Variants in PUDP observed in about 807,000 individuals in gnomAD.
PUDP encodes the protein pseudouridine-5'-phosphatase.
In PUDP, 8 loss-of-function variants were observed where a neutral mutation model predicts 9.4. The observed-to-expected ratio is 0.85, with a 90% CI of 0.50 to 1.53. PUDP has a LOEUF of 1.53. PUDP is among the 40% of genes most tolerant of loss of function. The pLI is 0.00. For synonymous variants in PUDP, 99 were observed against 80.7 expected (o/e 1.23, Z -1.22); for missense variants, 188 against 189.7 (o/e 0.99, Z 0.05).
chrX:6,774,328 T>C (rs1233438919), intron 3 of PUDP, among the ~76,000 whole-genome samples: 1 of 112,138 alleles, frequency 8.9e-6, no homozygotes, highest in African/African-American at 3.2e-5. Context: ...CCCTCAGGGA[T>C]TAAACCCCAC....
rs1370074416 is a variant in PUDP, at chrX:7,086,266, T to C, written c.281-8817A>G. On this transcript the variant is annotated intron_variant, in intron 2 of 3. Coordinates refer to ENST00000381077, the MANE Select transcript of PUDP (RefSeq NM_012080.5). ...AACTACTGTCTGGCTGTGTTTATCC[T>C]TGACACTAGAAAATAACCAAAGTCA... 2.7e-5 allele frequency among the ~76,000 whole-genome samples: 3 copies of C among 112,299 alleles called. No homozygotes were observed. The Admixed American group carries it at 2.8e-4, about 11-fold the overall frequency.
intron 3 of PUDP, among the ~76,000 whole-genome samples, chrX:7,055,284 C>G (rs1312274165): frequency 9.0e-6 from 1 of 111,020 alleles, no homozygotes. Flanking sequence ...CATAATCTGG[C>G]TCTGTCACCC....
At chrX:6,933,690 C>T (rs1428622677) in intron 3 of PUDP, among the ~76,000 whole-genome samples, 3 of 108,984 alleles carry the variant, frequency 2.8e-5, no homozygotes, top group Admixed American at 9.9e-5. Context: ...CTCTGAGCTA[C>T]GGGAGGACAT....
chrX:6,779,132 G>A (rs188087722), intron 3 of PUDP, among the ~76,000 whole-genome samples: 1 of 112,011 alleles, frequency 8.9e-6, no homozygotes, highest in East Asian at 2.8e-4. Flanking sequence ...AGGGGAATGC[G>A]GCAATCCAAC....
At chrX:7,115,321 C>T (rs1932163732) in intron 1 of PUDP, among the ~76,000 whole-genome samples, 1 of 112,581 alleles carries the variant, frequency 8.9e-6, no homozygotes, top group African/African-American at 3.2e-5. Flanking sequence ...GGAATCATTA[C>T]ATATGAAATC....
At chrX:6,946,318 G>A (rs1419755778) in intron 3 of PUDP, among the ~76,000 whole-genome samples, 1 of 111,213 alleles carries the variant, frequency 9.0e-6, no homozygotes, top group Non-Finnish European at 1.9e-5. Flanking sequence ...TATCTGTGAT[G>A]CCTCTTATAG....
chrX:6,918,874 T>G (rs981050571), intron 3 of PUDP, among the ~76,000 whole-genome samples: 1 of 112,471 alleles, frequency 8.9e-6, no homozygotes, highest in Non-Finnish European at 1.9e-5. Context: ...GCAGAAATAT[T>G]CAGTCAATCC....
intron 3 of PUDP, among the ~76,000 whole-genome samples, chrX:6,774,292 A>T (rs1232629036): frequency 8.9e-6 from 1 of 112,258 alleles, no homozygotes; most frequent in Non-Finnish European, 1.9e-5. Flanking sequence ...CTTGCCCTTC[A>T]ATTATTTCCT....
chrX:7,128,242 A>G (rs1351393658), intron 1 of PUDP, among the ~76,000 whole-genome samples: 1 of 111,049 alleles, frequency 9.0e-6, no homozygotes, highest in Non-Finnish European at 1.9e-5. Context: ...GGGTTTCGCC[A>G]TGTTGCCCAG....
intron 3 of PUDP, among the ~76,000 whole-genome samples, chrX:6,735,577 A>C (rs1924862133): frequency 8.9e-6 from 1 of 112,323 alleles, no homozygotes; most frequent in Admixed American, 9.4e-5. Flanking sequence ...GTTTCACATA[A>C]TGATCTACCC....
intron 3 of PUDP, among the ~76,000 whole-genome samples, chrX:6,876,376 G>T (rs1278503464): frequency 9.0e-6 from 1 of 111,027 alleles, no homozygotes; most frequent in South Asian, 3.8e-4. Flanking sequence ...GGTTTAGCAG[G>T]CTGTAATTCC....
chrX:7,115,812 C>G (rs1205991202), intron 1 of PUDP, among the ~76,000 whole-genome samples: 1 of 112,655 alleles, frequency 8.9e-6, no homozygotes, highest in Non-Finnish European at 1.9e-5. Context: ...GTCACGTCCA[C>G]GCACGTGGCT....
intron 1 of PUDP, among the ~76,000 whole-genome samples, chrX:7,120,507 A>G: frequency 8.9e-6 from 1 of 112,129 alleles, no homozygotes; most frequent in African/African-American, 3.2e-5. Context: ...ACTGTAAGAC[A>G]ATACATTTGT....
At chrX:7,130,805 G>T (rs1227126256) in intron 1 of PUDP, among the ~76,000 whole-genome samples, 1 of 112,022 alleles carries the variant, frequency 8.9e-6, no homozygotes, top group Non-Finnish European at 1.9e-5. Context: ...AGGATCACTT[G>T]AGCCTGGGAG....
chrX:6,944,006 T>A (rs755027882), intron 3 of PUDP, among the ~76,000 whole-genome samples: 2 of 111,838 alleles, frequency 1.8e-5, no homozygotes, highest in Non-Finnish European at 3.8e-5. Context: ...TGGAGCCAAC[T>A]ATCTAAGATC....
chrX:6,966,328 TA>T (rs1424616049), intron 3 of PUDP, among the ~76,000 whole-genome samples: 37 of 111,144 alleles, frequency 3.3e-4, no homozygotes, highest in Admixed American at 8.7e-4. Flanking sequence ...TTAAAATTAC[TA>T]AAATTGAGTG....
chrX:7,114,729 G>T (rs1932149730), intron 1 of PUDP, among the ~76,000 whole-genome samples: 1 of 112,082 alleles, frequency 8.9e-6, no homozygotes, highest in African/African-American at 3.2e-5. Flanking sequence ...ATGTTTTCAT[G>T]TAAGACTTGT....
chrX:7,062,928 C>T (rs1409991000), intron 3 of PUDP, among the ~76,000 whole-genome samples: 2 of 85,490 alleles, frequency 2.3e-5, no homozygotes, highest in African/African-American at 9.1e-5. Context: ...CAAAATACAA[C>T]TCATCCACTG....
At chrX:6,801,316 G>A (rs1193273569) in intron 3 of PUDP, among the ~76,000 whole-genome samples, 1 of 111,775 alleles carries the variant, frequency 8.9e-6, no homozygotes, top group Admixed American at 9.5e-5. Context: ...TCTCCTGGAA[G>A]ATGGGTAAGT....
Sources: gnomAD v4.1 joint callset for allele counts (sites outside exome capture counted in the v4.1 genomes callset) on GRCh38, gnomAD v4.1.1 for gene constraint, MANE v1.5 for transcripts, NCBI Gene and HGNC (gene_info 2026-07-23, HGNC 2026-07-21) for gene names.